The following VWA8 variants were observed in gnomAD, a reference collection of about 807,000 sequenced individuals.
The protein encoded by VWA8 is von Willebrand factor A domain containing 8, also known as von Willebrand factor A domain-containing protein 8.
Under a neutral mutation model 241.5 loss-of-function variants are expected in VWA8, and 221 were observed. That is an observed-to-expected ratio of 0.91 (90% CI 0.82 to 1.02). The LOEUF (loss-of-function observed/expected upper bound fraction) is 1.02. Ranked by LOEUF, VWA8 falls within the 50% of genes least tolerant of loss-of-function variation. The pLI is 0.00. For missense variants in VWA8, 2,322 were observed against 2,328.7 expected (o/e 1.00, Z 0.06); for synonymous variants, 852 against 827.1 (o/e 1.03, Z -0.52).
intron 2 of VWA8, chr13:41,925,528 GAAGTT>G (rs1365408324): frequency 1.3e-5 from 2 of 153,144 alleles, no homozygotes; most frequent in African/African-American, 4.8e-5. Flanking sequence ...GTATGTGGCA[GAAGTT>G]AAGTTGTTAT....
intron 21 of VWA8, among the ~76,000 whole-genome samples, chr13:41,733,252 ATAAACT>A (rs1335319663): frequency 6.6e-6 from 1 of 152,240 alleles, no homozygotes; most frequent in African/African-American, 2.4e-5. Context: ...AAAATACAAG[ATAAACT>A]TAACGTCATC....
intron 30 of VWA8, among the ~76,000 whole-genome samples, chr13:41,692,525 A>G (rs1347311871): frequency 1.3e-5 from 2 of 152,226 alleles, no homozygotes; most frequent in South Asian, 2.1e-4. Flanking sequence ...AATCCAAAAC[A>G]TAACTACATA....
intron 20 of VWA8, among the ~76,000 whole-genome samples, chr13:41,763,821 G>A (rs529959897): frequency 6.6e-6 from 1 of 152,260 alleles, no homozygotes; most frequent in East Asian, 1.9e-4. Context: ...AAATAGCCAT[G>A]CCTATTTAAA....
chr13:41,811,206 T>C lies in VWA8; in HGVS notation c.2063+19A>G. 1 of 1,581,348 alleles carries C rather than the reference T, an allele frequency of 6.3e-7. No homozygotes were observed. The highest frequency in any genetic ancestry group is 8.7e-7 in the Non-Finnish European group (1 of 1,152,894). ...TGAAGATCCAGAAACTTACACGCAG[T>C]GAGAAAGAATATGTTTACCTGGAAA... On this transcript the variant is annotated intron_variant, in intron 17 of 44. Transcript: ENST00000379310.
intron 43 of VWA8, among the ~76,000 whole-genome samples, chr13:41,572,512 T>C (rs988536995): frequency 6.6e-6 from 1 of 152,164 alleles, no homozygotes; most frequent in African/African-American, 2.4e-5. Flanking sequence ...CCATGATCTC[T>C]GAAACATGTG....
intron 26 of VWA8, among the ~76,000 whole-genome samples, chr13:41,708,514 G>A (rs1427837250): frequency 1.3e-5 from 2 of 152,118 alleles, no homozygotes; most frequent in African/African-American, 4.8e-5. Context: ...ACTTCAGAAT[G>A]TCGCTTCCCT....
At chr13:41,748,762 G>T (rs1348638504) in intron 21 of VWA8, among the ~76,000 whole-genome samples, 3 of 152,176 alleles carry the variant, frequency 2.0e-5, no homozygotes, top group Non-Finnish European at 4.4e-5. Context: ...ATGGGGAAAG[G>T]ATTCCCTATT....
chr13:41,587,638 C>G lies in VWA8; in HGVS notation c.5145G>C (p.Leu1715=). Residue 1715 remains leucine, a synonymous_variant, in exon 42 of 45, where the codon CTG becomes CTC. Transcript: ENST00000379310. The part of the protein sequence containing the change: ...LGSPQQKPKR[L]RLVVDVSGSM... ...TACCAGACACATCTACCACCAGGCG[C>G]AGACGCTTGGGTTTCTGTTGTGGGC... 6.2e-7 allele frequency: 1 copy of G among 1,614,184 alleles called. No individual in the cohort carries two copies. The highest frequency in any genetic ancestry group is 1.6e-4 in the Middle Eastern group (1 of 6,062).
chr13:41,609,142 A>G (rs535132381), intron 39 of VWA8, among the ~76,000 whole-genome samples: 19 of 152,302 alleles, frequency 1.2e-4, no homozygotes, highest in South Asian at 8.3e-4. Context: ...CACAAAACAG[A>G]TGGATGCCTG....
At chr13:41,835,365 A>T (rs1454863316) in intron 12 of VWA8, among the ~76,000 whole-genome samples, 1 of 152,222 alleles carries the variant, frequency 6.6e-6, no homozygotes, top group African/African-American at 2.4e-5. Context: ...CATAAACTTA[A>T]AAGGCTGGTT....
chr13:41,918,303 G>C (rs1300003027), intron 2 of VWA8, among the ~76,000 whole-genome samples: 2 of 152,080 alleles, frequency 1.3e-5, no homozygotes, highest in East Asian at 3.8e-4. Context: ...TAAATCTACA[G>C]CACTGGCCAG....
chr13:41,960,831 A>G (rs1390300772), intron 1 of VWA8, 22 bp downstream of exon 1: 2 of 1,514,382 alleles, frequency 1.3e-6, no homozygotes, highest in Admixed American at 2.0e-5. Flanking sequence ...ACCAGGGAGG[A>G]CAGGGGCGCA....
At chr13:41,603,328 T>C (rs2044533610) in intron 40 of VWA8, among the ~76,000 whole-genome samples, 1 of 152,086 alleles carries the variant, frequency 6.6e-6, no homozygotes, top group Admixed American at 6.6e-5. Flanking sequence ...AAGGCTTCAT[T>C]TGTGTGTGAT....
intron 37 of VWA8, among the ~76,000 whole-genome samples, chr13:41,643,743 C>T (rs2044812229): frequency 6.6e-6 from 1 of 152,106 alleles, no homozygotes; most frequent in Admixed American, 6.5e-5. Context: ...TCACACAATG[C>T]TCACATCACC....
At chr13:41,676,466 T>C (rs1410691696) in intron 35 of VWA8, among the ~76,000 whole-genome samples, 2 of 152,222 alleles carry the variant, frequency 1.3e-5, no homozygotes, top group East Asian at 1.9e-4. Context: ...ATGTATGACA[T>C]TTCCCTTTTG....
chr13:41,855,874 G>C (rs1244177969), intron 12 of VWA8, among the ~76,000 whole-genome samples: 1 of 152,198 alleles, frequency 6.6e-6, no homozygotes, highest in Non-Finnish European at 1.5e-5. Context: ...ATACATTGAT[G>C]TACTGCCTTT....
chr13:41,906,414 A>G (rs969957310), intron 4 of VWA8, among the ~76,000 whole-genome samples: 2 of 152,122 alleles, frequency 1.3e-5, no homozygotes, highest in Admixed American at 1.3e-4. Context: ...ACAAACATAT[A>G]TGCATTTCTT....
chr13:41,658,192 C>T (rs1397070821), intron 37 of VWA8, among the ~76,000 whole-genome samples: 1 of 152,218 alleles, frequency 6.6e-6, no homozygotes, highest in Non-Finnish European at 1.5e-5. Context: ...GGCACAGTCA[C>T]TTGCACCTGT....
chr13:41,848,325 C>T (rs1020335284), intron 12 of VWA8, among the ~76,000 whole-genome samples: 7 of 152,180 alleles, frequency 4.6e-5, no homozygotes, highest in Non-Finnish European at 1.0e-4. Flanking sequence ...GAGCCTCTCA[C>T]TTGAAGCAAC....
Sources: allele counts gnomAD v4.1 joint callset (sites outside exome capture counted in the v4.1 genomes callset), GRCh38; gene constraint gnomAD v4.1.1; transcripts MANE v1.5; gene names NCBI Gene and HGNC (gene_info 2026-07-23, HGNC 2026-07-21).